Variants in CYP11A1 observed in about 807,000 individuals in gnomAD.
The protein encoded by CYP11A1 is cholesterol side-chain cleavage enzyme, mitochondrial.
CYP11A1 carries 25 observed loss-of-function variants against 51.9 expected under a neutral mutation model. The observed-to-expected ratio is 0.48, with a 90% CI of 0.35 to 0.67. The LOEUF (loss-of-function observed/expected upper bound fraction) is 0.67, where lower values mean the gene tolerates loss of function less well. Among genes scored for constraint, CYP11A1 ranks in the 30% least tolerant of loss-of-function variants. The pLI, the probability that CYP11A1 is intolerant of heterozygous loss-of-function variation, is 0.00. For synonymous variants in CYP11A1, 245 were observed against 262.1 expected (o/e 0.93, Z 0.63); for missense variants, 578 against 680.9 (o/e 0.85, Z 1.68).
chr15:74,338,540 A>G (rs773746289), intron 8 of CYP11A1, 31 bp downstream of exon 8: 1 of 1,609,358 alleles, frequency 6.2e-7, no homozygotes, highest in Admixed American at 1.7e-5. Flanking sequence ...GGGCCAGCCC[A>G]GGGTGCCTAG....
chr15:74,342,553 T>C (rs2060611959), intron 5 of CYP11A1, among the ~76,000 whole-genome samples: 2 of 152,092 alleles, frequency 1.3e-5, no homozygotes, highest in Admixed American at 1.3e-4. Flanking sequence ...CCACAGCAAA[T>C]GCCTCGGCCT....
At chr15:74,366,285 T>C in intron 1 of CYP11A1, 1 of 975,878 alleles carries the variant, frequency 1.0e-6, no homozygotes, top group Non-Finnish European at 1.2e-6. Context: ...CGATTTTTTT[T>C]TTTTTTTTTT....
At chr15:74,338,514 G>T in intron 8 of CYP11A1, 57 bp downstream of exon 8, 1 of 1,546,130 alleles carries the variant, frequency 6.5e-7, no homozygotes, top group Non-Finnish European at 8.9e-7. Context: ...GAAGATTGGT[G>T]CCTTCATTAG....
rs559662489 is a variant in CYP11A1 at position 74,341,033 on chromosome 15, C to T, written c.991-1280G>A. Among the ~76,000 whole-genome samples the T allele has an allele frequency of 4.1e-4, 63 of 152,324 alleles. No homozygotes were observed. The South Asian group carries it at 0.012, about 30-fold the overall frequency. Reference sequence around the variant, plus strand: ...TTCATCTCAGTACTGCCAAGGCCTGCCATAGAGATGTACTTGGGATTTAAT... The same window carrying T: ...TTCATCTCAGTACTGCCAAGGCCTGTCATAGAGATGTACTTGGGATTTAAT... On this transcript the variant is annotated intron_variant, in intron 5 of 8. Coordinates refer to ENST00000268053, the MANE Select transcript of CYP11A1 (RefSeq NM_000781.3).
intron 5 of CYP11A1, 49 bp downstream of exon 5, chr15:74,342,928 G>A (rs572494909): frequency 1.9e-6 from 3 of 1,597,790 alleles, no homozygotes; most frequent in South Asian, 1.1e-5. Context: ...TGGGGAAGGG[G>A]CACGTGGGCA....
rs12917295 is a variant in CYP11A1 at position 74,339,943 on chromosome 15, C to G, written c.991-190G>C. 0.47 allele frequency among the ~76,000 whole-genome samples: 72,233 copies of G among 152,152 alleles called. 19,189 individuals are homozygous for G. The highest frequency in any genetic ancestry group is 0.6 in the Non-Finnish European group (41,113 of 67,986). ...GTCTAAAAGGCAAATGTCCAAGAAG[C>G]CTTTCTTGCCGGCCAGGCAGGAACA... On this transcript the variant is annotated intron_variant, in intron 5 of 8. Transcript: ENST00000268053.
At chr15:74,363,233 G>A (rs2141246513) in intron 1 of CYP11A1, 1 of 152,316 alleles carries the variant, frequency 6.6e-6, no homozygotes, top group African/African-American at 2.4e-5. Flanking sequence ...TCAGTGGTAG[G>A]AGACTGACAA....
chr15:74,348,082 T>G, intron 1 of CYP11A1, 27 bp from the exon 2 acceptor site: 1 of 1,612,578 alleles, frequency 6.2e-7, no homozygotes, highest in Admixed American at 1.7e-5. Context: ...GAGGGGCTGA[T>G]GGAAGGATCC....
At chr15:74,353,678 T>A (rs2060665473) in intron 1 of CYP11A1, among the ~76,000 whole-genome samples, 1 of 152,202 alleles carries the variant, frequency 6.6e-6, no homozygotes, top group Admixed American at 6.5e-5. Flanking sequence ...GTAAATTGAA[T>A]AAGAAAATTT....
chr15:74,364,505 T>A (rs1310314798), intron 1 of CYP11A1: 1 of 152,244 alleles, frequency 6.6e-6, no homozygotes, highest in Non-Finnish European at 1.5e-5. Flanking sequence ...AATGGAATCC[T>A]CTGGGGGTAA....
At chr15:74,351,099 G>A (rs1352820236) in intron 1 of CYP11A1, among the ~76,000 whole-genome samples, 1 of 152,204 alleles carries the variant, frequency 6.6e-6, no homozygotes, top group Non-Finnish European at 1.5e-5. Flanking sequence ...AAACTAAGGG[G>A]TTTCCACGTG....
rs1041676101 is a variant in CYP11A1 at position 74,350,008 on chromosome 15, C to T, written c.270-1953G>A. Among the ~76,000 whole-genome samples the T allele has an allele frequency of 7.9e-5, 12 of 152,144 alleles. No homozygotes were observed. In the East Asian group the frequency reaches 1.3e-3, roughly 17 times the overall value. ...GAAAAAGGAAGAAGATATAAATAAACGAAACGAGATCTTTCCCCAGAAAAG... is the reference window on the plus strand; with the variant it reads ...GAAAAAGGAAGAAGATATAAATAAATGAAACGAGATCTTTCCCCAGAAAAG... On this transcript the variant is annotated intron_variant, in intron 1 of 8. Coordinates refer to ENST00000268053, the MANE Select transcript of CYP11A1 (RefSeq NM_000781.3).
In CYP11A1 at chr15:74,343,812, G is replaced by A. The variant is rs1021942880; in HGVS notation, c.806C>T (p.Ala269Val). ...ACCTTTACTGAAAATCACGTCCCAT[G>A]CAGCCACATGGTCCTTCCAGGTCTT... ...RTKTWKDHVA[A>V]WDVIFSKADI... The change falls in exon 4 of 9, where the codon GCA (alanine) becomes GTA (valine). Residue 269 changes from alanine (A) to valine (V), a missense_variant. Physicochemically the swap from Ala to Val is moderately conservative, Grantham distance 64. Transcript: ENST00000268053. 3.7e-6 allele frequency: 6 copies of A among 1,612,802 alleles called. No individual in the cohort carries two copies. In the Admixed American group the frequency reaches 1.0e-4, roughly 27 times the overall value.
Position 74,343,874 on chromosome 15 carries a change from G to C in CYP11A1, c.744C>G (p.Leu248=). Residue 248 remains leucine (L), a synonymous_variant, in exon 4 of 9, where the codon CTC becomes CTG. Transcript: ENST00000268053. ...YQMFHTSVPM[L]NLPPDLFRLF... ...GACGGAACAGGTCTGGGGGAAGGTT[G>C]AGCATGGGGACGCTGGTGTGGAACA... 6.2e-7 allele frequency: 1 copy of C among 1,613,994 alleles called. No individual in the cohort carries two copies. Among genetic ancestry groups the C allele is most frequent in the Non-Finnish European group, 8.5e-7 (1 of 1,180,020 alleles).
At chr15:74,367,178 C>CAAA (rs11350546) in intron 1 of CYP11A1, 139 bp downstream of exon 1, 14 of 693,792 alleles carry the variant, frequency 2.0e-5, no homozygotes, top group African/African-American at 9.8e-5. Flanking sequence ...ATTGTATTAC[C>CAAA]AAAAAAAAAA....
rs542939382 is a variant in CYP11A1 at position 74,362,055 on chromosome 15, T to G, written c.269+5262A>C. 13 of 1,475,754 alleles carry G rather than the reference T, an allele frequency of 8.8e-6. No homozygotes were observed. In the South Asian group the frequency reaches 1.4e-4, roughly 16 times the overall value. The allele number at this position is 1,475,754 out of a possible 1,614,324, so 91.4% of individuals were successfully genotyped here. Reference sequence around the variant, plus strand: ...TGTGGACAACTCTAATAAGTTTGACTTGTGTTTTATCTTAACCACCAGACC... The same window carrying G: ...TGTGGACAACTCTAATAAGTTTGACGTGTGTTTTATCTTAACCACCAGACC... On this transcript the variant is annotated intron_variant, in intron 1 of 8. Transcript: ENST00000268053.
chr15:74,355,005 T>C (rs2060672486), intron 1 of CYP11A1, among the ~76,000 whole-genome samples: 1 of 152,070 alleles, frequency 6.6e-6, no homozygotes, highest in African/African-American at 2.4e-5. Flanking sequence ...CAAGCACCAC[T>C]AATTTGGGGG....
chr15:74,353,046 A>C (rs1374089959), intron 1 of CYP11A1, among the ~76,000 whole-genome samples: 1 of 152,218 alleles, frequency 6.6e-6, no homozygotes, highest in Non-Finnish European at 1.5e-5. Flanking sequence ...CTTGCTTTTT[A>C]GGGTTTCACT....
intron 8 of CYP11A1, 105 bp from the exon 9 acceptor site, chr15:74,338,208 G>A: frequency 4.5e-6 from 6 of 1,331,486 alleles, no homozygotes; most frequent in Non-Finnish European, 6.4e-6. Flanking sequence ...GATTTGAGGA[G>A]TTCCAAGGAG....
Sources: gnomAD v4.1 joint callset for allele counts (sites outside exome capture counted in the v4.1 genomes callset) on GRCh38, gnomAD v4.1.1 for gene constraint, MANE v1.5 for transcripts, NCBI Gene and HGNC (gene_info 2026-07-23, HGNC 2026-07-21) for gene names.